The following LACTB2 variants were observed in gnomAD, a reference collection of about 807,000 sequenced individuals.
LACTB2 encodes lactamase beta 2, also known as endoribonuclease LACTB2.
LACTB2 carries 32 observed loss-of-function variants against 34.8 expected under a neutral mutation model. That is an observed-to-expected ratio of 0.92 (90% CI 0.69 to 1.24). The LOEUF (loss-of-function observed/expected upper bound fraction) is 1.24. Among genes scored for constraint, LACTB2 ranks in the 50% most tolerant of loss-of-function variants. The probability of loss-of-function intolerance (pLI) is 0.00; values close to 1 mark genes in which losing one functional copy is unlikely to be tolerated. For synonymous variants in LACTB2, 120 were observed against 117.5 expected, an observed-to-expected ratio of 1.02 and a Z score of -0.14; for missense variants, 320 against 345.0, an observed-to-expected ratio of 0.93 and a Z score of 0.57.
At chr8:70,641,343 A>G (rs1200727648) in intron 4 of LACTB2, among the ~76,000 whole-genome samples, 3 of 152,226 alleles carry the variant, frequency 2.0e-5, no homozygotes, top group South Asian at 2.1e-4. Context: ...AGCAACTACA[A>G]TAATAACAAT....
At chr8:70,660,978 C>T (rs1468682701) in intron 2 of LACTB2, 1 of 453,216 alleles carries the variant, frequency 2.2e-6, no homozygotes, top group African/African-American at 2.0e-5. Context: ...CAGGGTCTTG[C>T]TATGTTGCCC....
At chr8:70,664,966 G>A (rs1247224811) in intron 1 of LACTB2, among the ~76,000 whole-genome samples, 1 of 152,044 alleles carries the variant, frequency 6.6e-6, no homozygotes, top group Non-Finnish European at 1.5e-5. Flanking sequence ...TAGCAGAAGG[G>A]GATTGCTTAG....
chr8:70,665,756 C>T (rs1374740376), intron 1 of LACTB2, among the ~76,000 whole-genome samples: 1 of 152,178 alleles, frequency 6.6e-6, no homozygotes, highest in Admixed American at 6.5e-5. Flanking sequence ...GGATTCTAAT[C>T]GAGGTAACCA....
chr8:70,668,748 G>GTTTTTT lies in LACTB2; in HGVS notation c.122+245_122+250dup, dbSNP rs990900411. ...CAGTAAATCGGGTTTCAAAACAGAA[G>GTTTTTT]TTTTTTTTTTTTTTTTTTTTTTTTT... is the stretch of plus-strand genomic sequence containing the variant. On this transcript the variant is annotated intron_variant, in intron 1 of 6. Coordinates refer to ENST00000276590, the MANE Select transcript of LACTB2 (RefSeq NM_016027.3). 1.6e-3 allele frequency among the ~76,000 whole-genome samples: 165 copies of GTTTTTT among 103,646 alleles called. 8 individuals carry two copies. Among genetic ancestry groups the GTTTTTT allele is most frequent in the African/African-American group, 6.4e-3 (153 of 23,842 alleles). The allele number at this position is 103,646 out of a possible 152,430, so 68.0% of individuals were successfully genotyped here.
intron 2 of LACTB2, chr8:70,661,043 G>A (rs1325676346): frequency 4.4e-6 from 2 of 452,926 alleles, no homozygotes; most frequent in Non-Finnish European, 8.9e-6. Flanking sequence ...ACCTCCCAAA[G>A]TGCTGGGATT....
intron 1 of LACTB2, 66 bp downstream of exon 1, chr8:70,668,933 G>C (rs575120977): frequency 4.1e-5 from 64 of 1,543,882 alleles, no homozygotes; most frequent in Non-Finnish European, 1.7e-6. Flanking sequence ...GCGCAGCCGC[G>C]ATCAGTCAAA....
intron 1 of LACTB2, 28 bp from the exon 2 acceptor site, chr8:70,661,925 C>CA (rs1818485110): frequency 6.4e-7 from 1 of 1,567,610 alleles, no homozygotes; most frequent in African/African-American, 1.4e-5. Context: ...GATAATCACA[C>CA]AATTGGAACA....
intron 6 of LACTB2, 144 bp from the exon 7 acceptor site, chr8:70,638,047 T>C (rs1005241171): frequency 8.7e-6 from 4 of 460,114 alleles, no homozygotes; most frequent in Non-Finnish European, 1.6e-5. Context: ...TTGGTACATG[T>C]AAAAACATTG....
At chr8:70,664,837 T>G (rs1035009642) in intron 1 of LACTB2, among the ~76,000 whole-genome samples, 2 of 152,196 alleles carry the variant, frequency 1.3e-5, no homozygotes, top group African/African-American at 4.8e-5. Flanking sequence ...AGAAAACTTA[T>G]CTTCAGAAAG....
chr8:70,644,306 A>G, intron 3 of LACTB2, 63 bp from the exon 4 acceptor site: 1 of 1,149,626 alleles, frequency 8.7e-7, no homozygotes, highest in Non-Finnish European at 1.2e-6. Context: ...AGAAATTTTG[A>G]GAAGTAAATT....
chr8:70,648,814 C>T (rs1358774213), intron 3 of LACTB2, among the ~76,000 whole-genome samples: 2 of 152,074 alleles, frequency 1.3e-5, no homozygotes, highest in Admixed American at 1.3e-4. Flanking sequence ...CACACTACTG[C>T]CAAAATATGG....
chr8:70,659,578 A>G (rs1818457241), intron 2 of LACTB2, among the ~76,000 whole-genome samples: 1 of 152,216 alleles, frequency 6.6e-6, no homozygotes, highest in Non-Finnish European at 1.5e-5. Context: ...CTGGGAATTG[A>G]CATTATATAA....
At chr8:70,640,740 T>C (rs1238684237) in intron 5 of LACTB2, 162 bp downstream of exon 5, 1 of 766,354 alleles carries the variant, frequency 1.3e-6, no homozygotes, top group Non-Finnish European at 1.8e-6. Flanking sequence ...GGCCAGTTTT[T>C]GTTTAATTTT....
intron 1 of LACTB2, among the ~76,000 whole-genome samples, chr8:70,667,467 C>A (rs1165162050): frequency 4.6e-5 from 7 of 152,168 alleles, no homozygotes; most frequent in Admixed American, 3.9e-4. Flanking sequence ...CTCTCTAGTT[C>A]AACTATATGG....
intron 6 of LACTB2, 95 bp downstream of exon 6, chr8:70,638,453 C>G: frequency 7.7e-7 from 1 of 1,301,818 alleles, no homozygotes; most frequent in Non-Finnish European, 1.0e-6. Context: ...CATGGGAGAA[C>G]TCTGATGGGT....
At chr8:70,655,622 C>T (rs562408275) in intron 3 of LACTB2, among the ~76,000 whole-genome samples, 1 of 152,164 alleles carries the variant, frequency 6.6e-6, no homozygotes, top group Non-Finnish European at 1.5e-5. Flanking sequence ...GAGTTGGTTC[C>T]ATGATTTTGC....
At chr8:70,638,471 TTC>T in intron 6 of LACTB2, 75 bp downstream of exon 6, 1 of 1,410,280 alleles carries the variant, frequency 7.1e-7, no homozygotes, top group Non-Finnish European at 9.5e-7. Context: ...GGTATTATTT[TTC>T]CTCAAAGGAA....
intron 3 of LACTB2, among the ~76,000 whole-genome samples, chr8:70,650,341 T>C (rs949840652): frequency 3.3e-5 from 5 of 152,196 alleles, no homozygotes; most frequent in African/African-American, 1.2e-4. Flanking sequence ...AGTAAAAAGA[T>C]GTGTGACTGT....
At chr8:70,646,900 A>C (rs888394990) in intron 3 of LACTB2, among the ~76,000 whole-genome samples, 2 of 152,154 alleles carry the variant, frequency 1.3e-5, no homozygotes, top group African/African-American at 4.8e-5. Flanking sequence ...CTACCTCACA[A>C]GGTTATGAGT....
Sources: allele counts gnomAD v4.1 joint callset (sites outside exome capture counted in the v4.1 genomes callset), GRCh38; gene constraint gnomAD v4.1.1; transcripts MANE v1.5; gene names NCBI Gene and HGNC (gene_info 2026-07-23, HGNC 2026-07-21).